Variants in OTUB1 observed in about 807,000 individuals in gnomAD.
OTUB1 encodes ubiquitin thioesterase OTUB1.
In OTUB1, 10 loss-of-function variants were observed where a neutral mutation model predicts 35.8. The observed-to-expected ratio is 0.28, with a 90% confidence interval of 0.17 to 0.47. OTUB1 has a LOEUF of 0.47. Ranked by LOEUF, OTUB1 falls within the 20% of genes least tolerant of loss-of-function variation. The probability of loss-of-function intolerance (pLI) is 0.99; values close to 1 mark genes in which losing one functional copy is unlikely to be tolerated. For missense variants in OTUB1, 264 were observed against 351.6 expected (o/e 0.75, Z 1.99); for synonymous variants, 158 against 143.8 (o/e 1.10, Z -0.71).
chr11:63,993,446 G>C (rs1456065292), intron 3 of OTUB1, among the ~76,000 whole-genome samples: 1 of 152,142 alleles, frequency 6.6e-6, no homozygotes, highest in African/African-American at 2.4e-5. Context: ...TGGATCACTT[G>C]AGGGCAGGAG....
At chr11:63,995,388 G>A (rs938665620) in intron 3 of OTUB1, among the ~76,000 whole-genome samples, 5 of 152,168 alleles carry the variant, frequency 3.3e-5, no homozygotes, top group African/African-American at 1.2e-4. Flanking sequence ...TAGAGATGGA[G>A]TTTCGCCATG....
Position 63,998,316 on chromosome 11 carries a change from C to CTCTTT in OTUB1, c.*775_*779dup, listed in dbSNP as rs528435392. ...GCATTGCCTGCCTTTTTGCCTTCAC[C>CTCTTT]TCTTTTCTTCCCCGCCCCCTGCACA... On this transcript the variant is annotated 3_prime_UTR_variant, in exon 7 of 7. Transcript: ENST00000538426. The CTCTTT allele has an allele frequency of 1.8e-4, 31 of 172,838 alleles. No homozygotes were observed. In the East Asian group the frequency reaches 5.3e-3, roughly 29 times the overall value. The allele number at this position is 172,838 out of a possible 1,614,324, so 10.7% of individuals were successfully genotyped here. A position where few individuals can be genotyped will look rare whatever the true frequency, so the allele number is the denominator to read the frequency against.
Position 63,996,953 on chromosome 11 carries a change from T to C in OTUB1, c.423+12T>C. ...ATTTCCACAACACGGTGAGCCCTGG[T>C]GCCTGTCTTGGGCTGGGCCATGGGG... is the stretch of plus-strand genomic sequence containing the variant. On this transcript the variant is annotated intron_variant, in intron 5 of 6. Transcript: ENST00000538426. 1 of 1,613,912 alleles carries C rather than the reference T, an allele frequency of 6.2e-7. No homozygotes were observed. The highest frequency in any genetic ancestry group is 8.5e-7 in the Non-Finnish European group (1 of 1,179,876).
chr11:63,994,058 T>TTGATGCTGCAG (rs1942696300), intron 3 of OTUB1, among the ~76,000 whole-genome samples: 2 of 151,804 alleles, frequency 1.3e-5, no homozygotes. Context: ...GCCTGGTAGG[T>TTGATGCTGCAG]TGATGCTGCA....
intron 3 of OTUB1, among the ~76,000 whole-genome samples, chr11:63,995,669 G>A (rs927379099): frequency 2.0e-5 from 3 of 152,108 alleles, no homozygotes; most frequent in African/African-American, 7.2e-5. Flanking sequence ...GTGGGCTAGT[G>A]TGGAGTGGAG....
rs764727163 is a variant in OTUB1, at chr11:63,997,643, C to A, written c.*97C>A. 2.0e-6 allele frequency: 2 copies of A among 1,024,186 alleles called. No individual in the cohort carries two copies. Among genetic ancestry groups the A allele is most frequent in the South Asian group, 2.6e-5 (2 of 77,708 alleles). 63.4% of individuals were successfully genotyped at this position (1,024,186 alleles called of 1,614,324 possible). ...GTGGTTGTAAATGGTCCTATTTCAC[C>A]CCCTTCTTCCTGTCACATGACCCCC... is the stretch of plus-strand genomic sequence containing the variant. On this transcript the variant is annotated 3_prime_UTR_variant, in exon 7 of 7. Coordinates refer to ENST00000538426, the MANE Select transcript of OTUB1 (RefSeq NM_017670.3).
intron 3 of OTUB1, among the ~76,000 whole-genome samples, chr11:63,993,005 C>G (rs935396009): frequency 1.3e-5 from 2 of 152,240 alleles, no homozygotes; most frequent in Non-Finnish European, 2.9e-5. Context: ...CATTCTCTTG[C>G]TGGGGTGAGA....
At position 63,998,057 on chromosome 11, in the gene OTUB1, C is replaced by A; in HGVS notation, c.*511C>A. 1 of 456,534 alleles carries A rather than the reference C, an allele frequency of 2.2e-6. No homozygotes were observed. The highest frequency in any genetic ancestry group is 4.0e-6 in the Non-Finnish European group (1 of 251,850). The allele number at this position is 456,534 out of a possible 1,614,324, so 28.3% of individuals were successfully genotyped here. ...ACCGGGAGTCTGCATGGTTGGGAGT[C>A]CTGGGTGGAGGGGCCTTTGTGAGGC... is the stretch of plus-strand genomic sequence containing the variant. On this transcript the variant is annotated 3_prime_UTR_variant, in exon 7 of 7. Coordinates refer to ENST00000538426, the MANE Select transcript of OTUB1 (RefSeq NM_017670.3).
In OTUB1 at chr11:63,987,832, C is replaced by T. The variant is rs11231669; in HGVS notation, c.59-505C>T. Among the ~76,000 whole-genome samples, 9 of 152,286 alleles carry T rather than the reference C, an allele frequency of 5.9e-5. No homozygotes were observed. In the East Asian group the frequency reaches 1.7e-3, roughly 29 times the overall value. Reference sequence around the variant, plus strand: ...ACTTTCTGCAAGAGACCACGCCTGGCCCCAGAACATTCCCAGGCTGCTGGG... The same window carrying T: ...ACTTTCTGCAAGAGACCACGCCTGGTCCCAGAACATTCCCAGGCTGCTGGG... On this transcript the variant is annotated intron_variant, in intron 1 of 6. Coordinates refer to ENST00000538426, the MANE Select transcript of OTUB1 (RefSeq NM_017670.3).
intron 3 of OTUB1, among the ~76,000 whole-genome samples, chr11:63,993,701 A>G (rs1273186255): frequency 6.6e-6 from 1 of 151,272 alleles, no homozygotes; most frequent in Non-Finnish European, 1.5e-5. Context: ...TGATGTCGTC[A>G]AGAGAGCAAG....
chr11:63,989,016 G>GA (rs771859657), intron 3 of OTUB1: 11,411 of 174,674 alleles, frequency 0.065, 175 homozygotes, highest in African/African-American at 0.12. Context: ...CTTCATCTCA[G>GA]AAAAAAAAAA....
At chr11:63,991,020 C>G (rs1942667918) in intron 3 of OTUB1, among the ~76,000 whole-genome samples, 1 of 152,202 alleles carries the variant, frequency 6.6e-6, no homozygotes. Context: ...GAGATCTGTG[C>G]ACTGTGATCT....
At chr11:63,991,763 C>T (rs915947000) in intron 3 of OTUB1, among the ~76,000 whole-genome samples, 2 of 152,218 alleles carry the variant, frequency 1.3e-5, no homozygotes, top group African/African-American at 4.8e-5. Context: ...TGAGAACGGA[C>T]TGTGGTCCAG....
chr11:63,991,150 G>GTT (rs1462332999), intron 3 of OTUB1, among the ~76,000 whole-genome samples: 1 of 152,176 alleles, frequency 6.6e-6, no homozygotes, highest in African/African-American at 2.4e-5. Flanking sequence ...TTTGAGCTGT[G>GTT]TGATCTCGGG....
At chr11:63,990,075 GGGCAGGAGCTGAT>G (rs1285471634) in intron 3 of OTUB1, 5 of 152,156 alleles carry the variant, frequency 3.3e-5, no homozygotes, top group Non-Finnish European at 7.3e-5. Context: ...GGTGCAGGCT[GGGCAGGAGCTGAT>G]GATCTCGGTG....
rs1265581232 is a variant in OTUB1, at chr11:63,997,798, T to C, written c.*252T>C. The C allele has an allele frequency of 1.4e-6, 1 of 699,580 alleles. No homozygotes were observed. 43.3% of individuals were successfully genotyped at this position (699,580 alleles called of 1,614,324 possible). A position where few individuals can be genotyped will look rare whatever the true frequency, so the allele number is the denominator to read the frequency against. ...GTCCCCCTGCTTTTCACCTATCTAC[T>C]CCTGAGCTTCCCCAACAGGAGCAGG... On this transcript the variant is annotated 3_prime_UTR_variant, in exon 7 of 7. Transcript: ENST00000538426.
At chr11:63,990,478 G>C (rs1181886128) in intron 3 of OTUB1, 1 of 151,796 alleles carries the variant, frequency 6.6e-6, no homozygotes, top group Admixed American at 6.6e-5. Context: ...CATGTCTATA[G>C]TCCCAGCTAC....
In OTUB1 at chr11:63,986,445, C is replaced by T. The variant is rs376833618; in HGVS notation, c.-12C>T. On this transcript the variant is annotated 5_prime_UTR_variant, in exon 1 of 7. Transcript: ENST00000538426. ...AACCCGGAAGCGGTCGGTAGTGCGG[C>T]GCTGTTTAAAGATGGCGGCGGAGGA... is the stretch of plus-strand genomic sequence containing the variant. The T allele has an allele frequency of 9.5e-5, 147 of 1,553,140 alleles. No homozygotes were observed. The highest frequency in any genetic ancestry group is 1.2e-4 in the Non-Finnish European group (141 of 1,148,430).
At chr11:63,996,080 ACT>A (rs1819793097) in intron 3 of OTUB1, among the ~76,000 whole-genome samples, 1 of 151,624 alleles carries the variant, frequency 6.6e-6, no homozygotes, top group Non-Finnish European at 1.5e-5. Context: ...AGGTGGGGGA[ACT>A]CTTCTCAGTG....
Sources: gnomAD v4.1 joint callset for allele counts (sites outside exome capture counted in the v4.1 genomes callset) on GRCh38, gnomAD v4.1.1 for gene constraint, MANE v1.5 for transcripts, NCBI Gene and HGNC (gene_info 2026-07-23, HGNC 2026-07-21) for gene names.